The following GPC5 variants were observed in gnomAD, a reference collection of about 807,000 sequenced individuals.
The protein encoded by GPC5 is glypican-5.
Under a neutral mutation model 53.9 loss-of-function variants are expected in GPC5, and 47 were observed. That is an observed-to-expected ratio of 0.87 (90% confidence interval 0.69 to 1.11). The LOEUF is 1.11. Among genes scored for constraint, GPC5 ranks in the 50% most tolerant of loss-of-function variants. The pLI is 0.00. For missense variants in GPC5, 748 were observed against 713.1 expected (o/e 1.05, Z -0.56); for synonymous variants, 286 against 263.3 (o/e 1.09, Z -0.84).
At chr13:92,197,765 C>G (rs2139055935) in intron 7 of GPC5, among the ~76,000 whole-genome samples, 1 of 151,994 alleles carries the variant, frequency 6.6e-6, no homozygotes. Context: ...ATCCACCTGC[C>G]TCAGCCTCCC....
At chr13:91,551,785 G>A (rs72641423) in intron 2 of GPC5, among the ~76,000 whole-genome samples, 34,847 of 151,974 alleles carry the variant, frequency 0.23, 4,828 homozygotes, top group African/African-American at 0.38. Flanking sequence ...TTAACACTAG[G>A]AGAGAAAGAG....
At chr13:92,839,418 C>T (rs1427286834) in intron 7 of GPC5, among the ~76,000 whole-genome samples, 1 of 152,046 alleles carries the variant, frequency 6.6e-6, no homozygotes, top group Non-Finnish European at 1.5e-5. Flanking sequence ...AGCCTAGTAT[C>T]CATTAGTTAT....
At chr13:91,676,858 C>T (rs958903318) in intron 2 of GPC5, among the ~76,000 whole-genome samples, 2 of 152,150 alleles carry the variant, frequency 1.3e-5, no homozygotes, top group African/African-American at 4.8e-5. Flanking sequence ...TGAGCTGGCG[C>T]TTAACCTTAC....
chr13:92,201,375 A>C lies in GPC5; in HGVS notation c.1561+56386A>C, dbSNP rs144854193. Among the ~76,000 whole-genome samples, 183 of 152,334 alleles carry C rather than the reference A, an allele frequency of 1.2e-3. 1 individual carries two copies. Among genetic ancestry groups the C allele is most frequent in the East Asian group, 9.1e-3 (47 of 5,182 alleles). ...AGCAGCCATGGCACATTGTCACTTC[A>C]ATTGATGTGCATGGTTGATACTACA... On this transcript the variant is annotated intron_variant, in intron 7 of 7. Transcript: ENST00000377067.
chr13:92,425,491 T>C (rs1876791616), intron 7 of GPC5, among the ~76,000 whole-genome samples: 1 of 152,076 alleles, frequency 6.6e-6, no homozygotes, highest in Non-Finnish European at 1.5e-5. Flanking sequence ...ATTCTATTTT[T>C]ATCACCCCTT....
chr13:92,179,078 A>T (rs1322792750), intron 7 of GPC5, among the ~76,000 whole-genome samples: 1 of 152,222 alleles, frequency 6.6e-6, no homozygotes, highest in Non-Finnish European at 1.5e-5. Flanking sequence ...TTGTCATCAA[A>T]TGACTACACT....
At chr13:92,197,062 G>A (rs2042261584) in intron 7 of GPC5, among the ~76,000 whole-genome samples, 1 of 152,184 alleles carries the variant, frequency 6.6e-6, no homozygotes, top group Non-Finnish European at 1.5e-5. Context: ...ACCACAGACA[G>A]CAGTGGGGGA....
intron 2 of GPC5, among the ~76,000 whole-genome samples, chr13:91,468,324 C>T (rs1302298128): frequency 6.6e-6 from 1 of 152,058 alleles, no homozygotes; most frequent in African/African-American, 2.4e-5. Flanking sequence ...GTGTCCCCAC[C>T]CTGCCAAAGA....
intron 6 of GPC5, among the ~76,000 whole-genome samples, chr13:92,100,302 C>G (rs2041455354): frequency 6.6e-6 from 1 of 152,018 alleles, no homozygotes; most frequent in Non-Finnish European, 1.5e-5. Context: ...ATTTGAGAGG[C>G]TGAGGCAGAG....
At chr13:91,436,210 AT>A (rs1475689736) in intron 1 of GPC5, among the ~76,000 whole-genome samples, 1 of 151,724 alleles carries the variant, frequency 6.6e-6, no homozygotes, top group African/African-American at 2.4e-5. Context: ...GATCTTAGTT[AT>A]TTCTTGCCTT....
chr13:91,443,573 C>T (rs1432189223), intron 1 of GPC5, among the ~76,000 whole-genome samples: 3 of 152,210 alleles, frequency 2.0e-5, no homozygotes, highest in Admixed American at 6.5e-5. Flanking sequence ...CTATCTGCTA[C>T]GTAAGATGTT....
intron 5 of GPC5, among the ~76,000 whole-genome samples, chr13:91,824,636 A>G (rs2038548066): frequency 6.6e-6 from 1 of 152,078 alleles, no homozygotes. Flanking sequence ...AGAATCACAT[A>G]TTCAAAAATG....
intron 5 of GPC5, among the ~76,000 whole-genome samples, chr13:91,827,924 T>C (rs373034854): frequency 2.0e-5 from 3 of 152,092 alleles, no homozygotes; most frequent in South Asian, 4.1e-4. Context: ...TAACCCAACA[T>C]TGTAAAATGG....
chr13:92,261,499 C>T (rs1191530698), intron 7 of GPC5, among the ~76,000 whole-genome samples: 1 of 151,712 alleles, frequency 6.6e-6, no homozygotes, highest in East Asian at 1.9e-4. Context: ...AATGCCTTCA[C>T]CTTAATAGGA....
At chr13:92,710,270 T>C (rs940860255) in intron 7 of GPC5, among the ~76,000 whole-genome samples, 1 of 152,144 alleles carries the variant, frequency 6.6e-6, no homozygotes, top group African/African-American at 2.4e-5. Flanking sequence ...AACAGATTGG[T>C]ATTACTAATT....
intron 5 of GPC5, among the ~76,000 whole-genome samples, chr13:91,847,555 C>G (rs1206937133): frequency 6.6e-6 from 1 of 152,106 alleles, no homozygotes; most frequent in Non-Finnish European, 1.5e-5. Context: ...TTCCACAAGA[C>G]TTGATGTAAT....
chr13:92,717,550 A>G (rs1035782187), intron 7 of GPC5, among the ~76,000 whole-genome samples: 6 of 152,162 alleles, frequency 3.9e-5, no homozygotes, highest in Admixed American at 3.3e-4. Context: ...TTACATTTGA[A>G]TCCTCTACAC....
At chr13:91,429,858 T>C (rs1476809625) in intron 1 of GPC5, among the ~76,000 whole-genome samples, 3 of 152,220 alleles carry the variant, frequency 2.0e-5, no homozygotes, top group African/African-American at 4.8e-5. Flanking sequence ...GATGGAAGTA[T>C]CCGTAGACCA....
chr13:91,818,851 A>G lies in GPC5; in HGVS notation c.1280+62431A>G, dbSNP rs75309237. Among the ~76,000 whole-genome samples, 1,198 of 152,320 alleles carry G rather than the reference A, an allele frequency of 7.9e-3. 16 individuals are homozygous for G. Among genetic ancestry groups the G allele is most frequent in the African/African-American group, 0.027 (1,139 of 41,572 alleles). ...GGACACAACTAAGTTTACTTGAATG[A>G]GTTGAGTCCGTCCTCATGTGTTGGA... On this transcript the variant is annotated intron_variant, in intron 5 of 7. Coordinates refer to ENST00000377067, the MANE Select transcript of GPC5 (RefSeq NM_004466.6).
Sources: gnomAD v4.1 joint callset for allele counts (sites outside exome capture counted in the v4.1 genomes callset) on GRCh38, gnomAD v4.1.1 for gene constraint, MANE v1.5 for transcripts, NCBI Gene and HGNC (gene_info 2026-07-23, HGNC 2026-07-21) for gene names.